PAN3: variants seen among roughly 807,000 people sequenced by gnomAD.
PAN3 encodes poly(A) specific ribonuclease subunit PAN3.
In PAN3, 19 loss-of-function variants were observed where a neutral mutation model predicts 96.2. That is an observed-to-expected ratio of 0.20 (90% CI 0.14 to 0.29). The LOEUF is 0.29. PAN3 is among the 10% of genes least tolerant of loss of function. The probability of loss-of-function intolerance (pLI) is 1.00; values close to 1 mark genes in which losing one functional copy is unlikely to be tolerated. For missense variants in PAN3, 882 were observed against 1,108.1 expected (o/e 0.80, Z 2.90); for synonymous variants, 433 against 406.6 (o/e 1.06, Z -0.78).
intron 9 of PAN3, among the ~76,000 whole-genome samples, chr13:28,262,540 A>G (rs1434799285): frequency 6.6e-6 from 1 of 152,180 alleles, no homozygotes; most frequent in East Asian, 1.9e-4. Context: ...ATAACCTTTG[A>G]AATATTCATC....
chr13:28,260,324 G>A, intron 7 of PAN3, 123 bp from the exon 8 acceptor site: 1 of 628,728 alleles, frequency 1.6e-6, no homozygotes, highest in Non-Finnish European at 2.8e-6. Context: ...AACCCGGGAG[G>A]CAGAGCTTGT....
intron 7 of PAN3, among the ~76,000 whole-genome samples, chr13:28,258,775 C>G (rs1315236945): frequency 6.6e-6 from 1 of 152,124 alleles, no homozygotes. Flanking sequence ...CCACAGATAG[C>G]AAAATTCCTG....
chr13:28,260,673 C>A, intron 8 of PAN3, 122 bp downstream of exon 8: 11 of 731,046 alleles, frequency 1.5e-5, no homozygotes, highest in South Asian at 2.4e-5. Context: ...TAAAGCACAT[C>A]GAATTTAGAA....
chr13:28,163,759 T>G (rs531209508), intron 1 of PAN3, among the ~76,000 whole-genome samples: 1 of 152,184 alleles, frequency 6.6e-6, no homozygotes, highest in Non-Finnish European at 1.5e-5. Flanking sequence ...AGTTCAATCG[T>G]TATATGATTC....
At chr13:28,216,918 C>A (rs552776754) in intron 5 of PAN3, among the ~76,000 whole-genome samples, 49 of 151,594 alleles carry the variant, frequency 3.2e-4, no homozygotes, top group African/African-American at 1.1e-3. Flanking sequence ...GAGTTCGAGA[C>A]CAGCCCAGCC....
In PAN3 at chr13:28,194,101, G is replaced by A. The variant is rs1452612833; in HGVS notation, c.691-3084G>A. On this transcript the variant is annotated intron_variant, in intron 4 of 18. Transcript: ENST00000380958. Reference sequence around the variant, plus strand: ...GAACTAGGGAGGCGGAGGTTGCAGTGAGCTGAGATGATACCACTGCGCTCC... The same window carrying A: ...GAACTAGGGAGGCGGAGGTTGCAGTAAGCTGAGATGATACCACTGCGCTCC... 2.0e-5 allele frequency among the ~76,000 whole-genome samples: 3 copies of A among 150,804 alleles called. No homozygotes were observed. The East Asian group carries it at 5.8e-4, about 29-fold the overall frequency.
chr13:28,220,506 C>A, intron 6 of PAN3, 128 bp downstream of exon 6: 1 of 1,180,822 alleles, frequency 8.5e-7, no homozygotes, highest in Non-Finnish European at 1.1e-6. Context: ...GCTTTATGTT[C>A]TAGTTTTTGG....
At chr13:28,236,026 T>C (rs947712945) in intron 6 of PAN3, among the ~76,000 whole-genome samples, 1 of 152,068 alleles carries the variant, frequency 6.6e-6, no homozygotes, top group Non-Finnish European at 1.5e-5. Flanking sequence ...ACCCCGTGCA[T>C]GGCCTTCATG....
chr13:28,252,112 T>C (rs1405238760), intron 6 of PAN3, among the ~76,000 whole-genome samples: 1 of 151,616 alleles, frequency 6.6e-6, no homozygotes, highest in Non-Finnish European at 1.5e-5. Flanking sequence ...GGTTTTGAAC[T>C]CCTGACCTCA....
chr13:28,191,652 A>G (rs1028340005), intron 4 of PAN3, among the ~76,000 whole-genome samples: 7 of 152,146 alleles, frequency 4.6e-5, no homozygotes, highest in East Asian at 1.9e-4. Context: ...CTCTTCCCCA[A>G]TTCTTCCTCC....
chr13:28,183,029 C>T (rs1431012128), intron 4 of PAN3, among the ~76,000 whole-genome samples: 1 of 152,042 alleles, frequency 6.6e-6, no homozygotes, highest in East Asian at 1.9e-4. Flanking sequence ...TAGAGTTCTT[C>T]TATGGAAAAA....
intron 18 of PAN3, among the ~76,000 whole-genome samples, chr13:28,292,058 G>A (rs573751900): frequency 8.6e-4 from 131 of 152,108 alleles, no homozygotes; most frequent in African/African-American, 3.1e-3. Flanking sequence ...AAAAAATTAA[G>A]TAGATGAGTA....
At chr13:28,146,737 G>A (rs1192730683) in intron 1 of PAN3, among the ~76,000 whole-genome samples, 1 of 152,126 alleles carries the variant, frequency 6.6e-6, no homozygotes, top group Non-Finnish European at 1.5e-5. Flanking sequence ...TGATACTTTG[G>A]GAGGCCAAGG....
At chr13:28,284,906 A>G (rs1868791560) in intron 17 of PAN3, among the ~76,000 whole-genome samples, 1 of 152,188 alleles carries the variant, frequency 6.6e-6, no homozygotes, top group African/African-American at 2.4e-5. Flanking sequence ...CATAGGGAAG[A>G]TAGCATATTT....
At chr13:28,201,138 G>T (rs558218663) in intron 5 of PAN3, among the ~76,000 whole-genome samples, 2 of 150,760 alleles carry the variant, frequency 1.3e-5, no homozygotes, top group Non-Finnish European at 2.9e-5. Flanking sequence ...GTGCTCAAGC[G>T]ATCCTCCTGT....
chr13:28,234,012 TTTTTC>T (rs1882850417), intron 6 of PAN3, among the ~76,000 whole-genome samples: 1 of 152,180 alleles, frequency 6.6e-6, no homozygotes, highest in African/African-American at 2.4e-5. Flanking sequence ...CAGACCTCCA[TTTTTC>T]TTTTCTTTCA....
intron 1 of PAN3, among the ~76,000 whole-genome samples, chr13:28,168,140 A>C (rs1352298182): frequency 6.6e-6 from 1 of 152,208 alleles, no homozygotes; most frequent in East Asian, 1.9e-4. Context: ...AGACCATAGC[A>C]CACAGAGATG....
chr13:28,182,674 G>A (rs754397877), intron 4 of PAN3, among the ~76,000 whole-genome samples: 7 of 152,106 alleles, frequency 4.6e-5, no homozygotes, highest in Non-Finnish European at 8.8e-5. Flanking sequence ...TGGCTGGTTC[G>A]TCTGCTGATA....
chr13:28,275,289 G>A (rs1394065821), intron 14 of PAN3, among the ~76,000 whole-genome samples: 3 of 152,166 alleles, frequency 2.0e-5, no homozygotes, highest in Admixed American at 2.0e-4. Flanking sequence ...TTAGAGAGGT[G>A]ATGGGATGTA....
Sources: gnomAD v4.1 joint callset for allele counts (sites outside exome capture counted in the v4.1 genomes callset) on GRCh38, gnomAD v4.1.1 for gene constraint, MANE v1.5 for transcripts, NCBI Gene and HGNC (gene_info 2026-07-23, HGNC 2026-07-21) for gene names.